RPS6KC1: variants seen among roughly 807,000 people sequenced by gnomAD.
The protein encoded by RPS6KC1 is ribosomal protein S6 kinase C1, also known as inactive ribosomal protein S6 kinase delta-1.
RPS6KC1 carries 54 observed loss-of-function variants against 103.8 expected under a neutral mutation model. That is an observed-to-expected ratio of 0.52 (90% CI 0.42 to 0.65). The LOEUF (loss-of-function observed/expected upper bound fraction) is 0.65, where lower values mean the gene tolerates loss of function less well. Ranked by LOEUF, RPS6KC1 falls within the 30% of genes least tolerant of loss-of-function variation. The pLI is 0.00. For missense variants in RPS6KC1, 1,151 were observed against 1,253.8 expected, an observed-to-expected ratio of 0.92 and a Z score of 1.24; for synonymous variants, 439 against 438.7, an observed-to-expected ratio of 1.00 and a Z score of -0.01.
chr1:213,703,507 T>C, the RPS6KC1 span, among the ~76,000 whole-genome samples: 1 of 152,210 alleles, frequency 6.6e-6, no homozygotes, highest in South Asian at 2.1e-4. Context: ...TGAAGTACTC[T>C]CTTTAGCATT....
At chr1:213,647,847 C>G in the RPS6KC1 span, among the ~76,000 whole-genome samples, 826 of 152,262 alleles carry the variant, frequency 5.4e-3, 9 homozygotes, top group African/African-American at 0.019. Context: ...TACATGTCAA[C>G]AGAAGGAAAA....
chr1:213,339,654 C>T, the RPS6KC1 span, among the ~76,000 whole-genome samples: 89 of 152,298 alleles, frequency 5.8e-4, no homozygotes, highest in African/African-American at 1.4e-3. Context: ...TTAATTCTTG[C>T]GGGATTATTT....
At chr1:213,693,490 G>A in the RPS6KC1 span, among the ~76,000 whole-genome samples, 1 of 152,184 alleles carries the variant, frequency 6.6e-6, no homozygotes, top group African/African-American at 2.4e-5. Flanking sequence ...CCAACATTCA[G>A]TGATTGACAA....
the RPS6KC1 span, among the ~76,000 whole-genome samples, chr1:213,360,665 T>C: frequency 6.6e-6 from 1 of 152,238 alleles, no homozygotes; most frequent in African/African-American, 2.4e-5. Flanking sequence ...TTTTCTGTTC[T>C]GTTTTTTCCC....
At chr1:213,700,506 T>C in the RPS6KC1 span, among the ~76,000 whole-genome samples, 3 of 151,910 alleles carry the variant, frequency 2.0e-5, no homozygotes. Flanking sequence ...TGTTTGTTTT[T>C]GTTTTGCTTA....
intron 7 of RPS6KC1, 85 bp from the exon 8 acceptor site, chr1:213,176,315 C>A: frequency 1.4e-6 from 1 of 712,718 alleles, no homozygotes; most frequent in Non-Finnish European, 2.3e-6. Flanking sequence ...AATTTACTTT[C>A]CTTTGGCCTG....
chr1:213,071,098 T>C, intron 2 of RPS6KC1, 57 bp downstream of exon 2: 2 of 1,060,502 alleles, frequency 1.9e-6, no homozygotes, highest in Non-Finnish European at 2.8e-6. Flanking sequence ...AACTAAATGC[T>C]TTTTTGAGGA....
intron 6 of RPS6KC1, among the ~76,000 whole-genome samples, chr1:213,162,429 T>C (rs1015027423): frequency 2.1e-4 from 32 of 151,920 alleles, no homozygotes; most frequent in African/African-American, 7.7e-4. Context: ...TACAGGTGTG[T>C]ACCACCAGGC....
Position 213,128,964 on chromosome 1 carries a change from A to G in RPS6KC1, c.473-563A>G, listed in dbSNP as rs576053846. Reference sequence around the variant, plus strand: ...CATTTAAAGACTTGCATAATAAGTAATACTATTAAGTAACCTGCTGTTGGT... The same window carrying G: ...CATTTAAAGACTTGCATAATAAGTAGTACTATTAAGTAACCTGCTGTTGGT... On this transcript the variant is annotated intron_variant, in intron 5 of 14. Transcript: ENST00000366960. Among the ~76,000 whole-genome samples, 3 of 152,330 alleles carry G rather than the reference A, an allele frequency of 2.0e-5. No individual in the cohort carries two copies. In the East Asian group the frequency reaches 5.8e-4, roughly 29 times the overall value.
chr1:213,640,256 T>C, the RPS6KC1 span, among the ~76,000 whole-genome samples: 1 of 151,976 alleles, frequency 6.6e-6, no homozygotes. Flanking sequence ...CCCTATTTCA[T>C]TCCTGATATT....
chr1:213,848,548 A>T, the RPS6KC1 span, among the ~76,000 whole-genome samples: 1 of 152,140 alleles, frequency 6.6e-6, no homozygotes, highest in South Asian at 2.1e-4. Flanking sequence ...GTGTATACAC[A>T]TATAGACACA....
chr1:213,411,110 G>A, the RPS6KC1 span, among the ~76,000 whole-genome samples: 2 of 152,192 alleles, frequency 1.3e-5, no homozygotes, highest in Non-Finnish European at 2.9e-5. Context: ...CATCCTGATG[G>A]CTGCCATCCA....
intron 6 of RPS6KC1, among the ~76,000 whole-genome samples, chr1:213,152,523 C>T (rs556774919): frequency 6.9e-5 from 10 of 144,854 alleles, no homozygotes; most frequent in African/African-American, 2.3e-4. Context: ...ACTTCTCAGA[C>T]GGGGCGGCCG....
chr1:213,327,851 T>G, the RPS6KC1 span, among the ~76,000 whole-genome samples: 1 of 152,252 alleles, frequency 6.6e-6, no homozygotes, highest in African/African-American at 2.4e-5. Flanking sequence ...TGCCAGACAA[T>G]CCTTTCCCAG....
the RPS6KC1 span, among the ~76,000 whole-genome samples, chr1:213,853,138 G>A: frequency 1.2e-4 from 18 of 152,192 alleles, no homozygotes; most frequent in Non-Finnish European, 2.4e-4. Context: ...GGAAGTTCCT[G>A]CCACCCTCTG....
chr1:213,456,147 G>A, the RPS6KC1 span, among the ~76,000 whole-genome samples: 11 of 152,180 alleles, frequency 7.2e-5, no homozygotes, highest in African/African-American at 2.7e-4. Context: ...TCAGGGATTA[G>A]TTTTGTGCTC....
At chr1:213,230,425 A>C (rs2094065841) in intron 8 of RPS6KC1, 72 bp from the exon 9 acceptor site, 1 of 1,138,462 alleles carries the variant, frequency 8.8e-7, no homozygotes, top group South Asian at 1.5e-5. Flanking sequence ...CTACTCTTAA[A>C]GTTTAGTTTA....
chr1:213,679,199 C>T, the RPS6KC1 span, among the ~76,000 whole-genome samples: 150,877 of 152,320 alleles, frequency 0.99, 74,732 homozygotes, highest in Middle Eastern at 1. Context: ...TCTTAGCACT[C>T]GTTGGCAATG....
chr1:213,095,500 G>GTGAGTAATGAGC (rs1043994332), intron 3 of RPS6KC1, among the ~76,000 whole-genome samples: 1 of 152,176 alleles, frequency 6.6e-6, no homozygotes, highest in Non-Finnish European at 1.5e-5. Flanking sequence ...TTTATTTTTA[G>GTGAGTAATGAGC]TGAGTAATGA....
Sources: gnomAD v4.1 joint callset for allele counts (sites outside exome capture counted in the v4.1 genomes callset) on GRCh38, gnomAD v4.1.1 for gene constraint, MANE v1.5 for transcripts, NCBI Gene and HGNC (gene_info 2026-07-23, HGNC 2026-07-21) for gene names.